The following ACOT7 variants were observed in gnomAD, a reference collection of about 807,000 sequenced individuals.
ACOT7 encodes the protein acyl-CoA thioesterase 7.
In ACOT7, 12 loss-of-function variants were observed where a neutral mutation model predicts 40.2. That is an observed-to-expected ratio of 0.30 (90% CI 0.19 to 0.48). ACOT7 has a LOEUF of 0.48. Among genes scored for constraint, ACOT7 ranks in the 20% least tolerant of loss-of-function variants. The probability of loss-of-function intolerance (pLI) is 0.99; values close to 1 mark genes in which losing one functional copy is unlikely to be tolerated. For synonymous variants in ACOT7, 228 were observed against 219.5 expected (o/e 1.04, Z -0.34); for missense variants, 395 against 530.8 (o/e 0.74, Z 2.51).
intron 6 of ACOT7, among the ~76,000 whole-genome samples, chr1:6,303,301 A>G (rs1384929299): frequency 6.6e-6 from 1 of 152,066 alleles, no homozygotes; most frequent in African/African-American, 2.4e-5. Flanking sequence ...CCGTCCTTGG[A>G]GCTGCATTTA....
intron 2 of ACOT7, among the ~76,000 whole-genome samples, chr1:6,342,153 C>T (rs189102862): frequency 6.6e-5 from 10 of 152,312 alleles, no homozygotes; most frequent in Admixed American, 4.6e-4. Context: ...AGATCAGGGA[C>T]GGGCAGATTC....
At chr1:6,353,827 T>A (rs1307464424) in intron 1 of ACOT7, among the ~76,000 whole-genome samples, 1 of 152,036 alleles carries the variant, frequency 6.6e-6, no homozygotes, top group East Asian at 1.9e-4. Context: ...ATCCTGCACT[T>A]CTTCCCCCTC....
At chr1:6,300,317 G>A (rs1290073464) in intron 6 of ACOT7, among the ~76,000 whole-genome samples, 1 of 152,172 alleles carries the variant, frequency 6.6e-6, no homozygotes, top group African/African-American at 2.4e-5. Flanking sequence ...GCTGAGGGCA[G>A]CGGCTGGCAT....
At chr1:6,264,765 G>A (rs1284902726) in intron 8 of ACOT7, 70 bp from the exon 9 acceptor site, 1 of 1,522,498 alleles carries the variant, frequency 6.6e-7, no homozygotes, top group Non-Finnish European at 8.9e-7. Context: ...TTGTGACCTG[G>A]CCTGGGGCCC....
chr1:6,299,756 T>C lies in ACOT7; in HGVS notation c.713-4776A>G, dbSNP rs955937214. On this transcript the variant is annotated intron_variant, in intron 6 of 8. Coordinates refer to ENST00000361521, the MANE Select transcript of ACOT7 (RefSeq NM_007274.4). The surrounding 1 kb of genome is among the most constrained non-coding windows in gnomAD (Gnocchi z 4.1). ...GCAGAGCTGCAGCCCACAGACTGAG[T>C]TCTTCTAGGTTGATCTGCCTCATAA... Among the ~76,000 whole-genome samples the C allele has an allele frequency of 6.6e-6, 1 of 151,908 alleles. No individual in the cohort carries two copies. The highest frequency in any genetic ancestry group is 2.4e-5 in the African/African-American group (1 of 41,336).
intron 6 of ACOT7, among the ~76,000 whole-genome samples, chr1:6,316,804 G>A (rs1481357530): frequency 3.3e-5 from 5 of 152,206 alleles, no homozygotes; most frequent in Admixed American, 6.5e-5. Context: ...AACAGAGTGA[G>A]ACTCCATCTC....
At chr1:6,323,561 T>TA (rs913739297) in intron 5 of ACOT7, among the ~76,000 whole-genome samples, 2 of 151,308 alleles carry the variant, frequency 1.3e-5, no homozygotes. Flanking sequence ...CTACAAAAAA[T>TA]ACAAAAATTA....
chr1:6,306,844 G>A lies in ACOT7; in HGVS notation c.712+11648C>T, dbSNP rs1557642700. ...GTCACGGAATTGGAAAAGAGTAACT[G>A]TGCCCTCTTTTGCATTTTTCAGTGA... On this transcript the variant is annotated intron_variant, in intron 6 of 8. Coordinates refer to ENST00000361521, the MANE Select transcript of ACOT7 (RefSeq NM_007274.4). This position sits in a 1 kb window ranked among gnomAD's most constrained non-coding sequence, Gnocchi z 4.3. 7.8e-7 allele frequency: 1 copy of A among 1,289,126 alleles called. No homozygotes were observed. 79.9% of individuals were successfully genotyped at this position (1,289,126 alleles called of 1,614,324 possible).
At chr1:6,375,907 C>T (rs1213870784) in intron 1 of ACOT7, among the ~76,000 whole-genome samples, 1 of 147,346 alleles carries the variant, frequency 6.8e-6, no homozygotes, top group African/African-American at 2.5e-5. Context: ...CACTGCACTC[C>T]AGCATGGGCA....
In ACOT7 at chr1:6,339,391, G is replaced by A. The variant is rs184174446; in HGVS notation, c.418+42C>T. On this transcript the variant is annotated intron_variant, in intron 3 of 8. Transcript: ENST00000361521. ...AGGAGGGAAGCAGCTGTGTAGCCAC[G>A]GCCCTTACTGCTCCAGTCAACACTG... 3.8e-5 allele frequency: 61 copies of A among 1,610,752 alleles called. 1 individual carries two copies. Among genetic ancestry groups the A allele is most frequent in the African/African-American group, 6.7e-5 (5 of 74,966 alleles).
At chr1:6,292,740 G>C (rs113674048) in intron 7 of ACOT7, among the ~76,000 whole-genome samples, 9,881 of 149,804 alleles carry the variant, frequency 0.066, 996 homozygotes, top group African/African-American at 0.21. Context: ...GGAGTGTGGT[G>C]GTATAATCTT....
chr1:6,382,499 A>G (rs575132410), intron 1 of ACOT7, among the ~76,000 whole-genome samples: 1 of 152,018 alleles, frequency 6.6e-6, no homozygotes, highest in South Asian at 2.1e-4. Flanking sequence ...GTGACAGAGC[A>G]AGAAAATATG....
intron 8 of ACOT7, among the ~76,000 whole-genome samples, chr1:6,267,231 G>A (rs1237270249): frequency 6.6e-6 from 1 of 152,262 alleles, no homozygotes; most frequent in East Asian, 1.9e-4. Flanking sequence ...GGAATGTGCA[G>A]ATGTGGGAGA....
intron 1 of ACOT7, among the ~76,000 whole-genome samples, chr1:6,389,965 C>T (rs1642506767): frequency 1.3e-5 from 2 of 152,258 alleles, no homozygotes; most frequent in African/African-American, 4.8e-5. Flanking sequence ...TTGGCAGTGT[C>T]CAGTAAAGCA....
chr1:6,342,546 C>G (rs994174111), intron 2 of ACOT7, among the ~76,000 whole-genome samples: 1 of 152,236 alleles, frequency 6.6e-6, no homozygotes, highest in African/African-American at 2.4e-5. Context: ...CTCACTGCAG[C>G]CTCAAACTCC....
intron 1 of ACOT7, chr1:6,360,548 T>C (rs1641866295): frequency 1.2e-6 from 2 of 1,613,908 alleles, no homozygotes; most frequent in African/African-American, 1.3e-5. Context: ...TAGCCCATAG[T>C]TCCTCTCAGC....
chr1:6,353,474 A>ATTTT, intron 1 of ACOT7, among the ~76,000 whole-genome samples: 1 of 152,250 alleles, frequency 6.6e-6, no homozygotes, highest in East Asian at 1.9e-4. Context: ...TCTCTACTAA[A>ATTTT]AATACAAAAA....
chr1:6,323,130 C>G (rs1571306721), intron 5 of ACOT7, among the ~76,000 whole-genome samples: 1 of 144,866 alleles, frequency 6.9e-6, no homozygotes, highest in South Asian at 2.2e-4. Flanking sequence ...AACGCCGTCT[C>G]AAAAAAAAAA....
intron 5 of ACOT7, 64 bp from the exon 6 acceptor site, chr1:6,318,642 G>T: frequency 6.5e-7 from 1 of 1,541,574 alleles, no homozygotes; most frequent in Non-Finnish European, 8.9e-7. Flanking sequence ...GAATGGTCTG[G>T]CAATGCCGAA....
Sources: allele counts gnomAD v4.1 joint callset (sites outside exome capture counted in the v4.1 genomes callset), GRCh38; gene constraint gnomAD v4.1.1; non-coding constraint Gnocchi (gnomAD v3.1); transcripts MANE v1.5; gene names NCBI Gene and HGNC (gene_info 2026-07-23, HGNC 2026-07-21).